The following NT5C2 variants were observed in gnomAD, a reference collection of about 807,000 sequenced individuals.
The protein encoded by NT5C2 is 5'-nucleotidase, cytosolic II.
Under a neutral mutation model 76.1 loss-of-function variants are expected in NT5C2, and 58 were observed. The observed-to-expected ratio is 0.76, with a 90% CI of 0.62 to 0.95. NT5C2 has a LOEUF of 0.95. NT5C2 is among the 40% of genes least tolerant of loss of function. The pLI, the probability that NT5C2 is intolerant of heterozygous loss-of-function variation, is 0.00. For missense variants in NT5C2, 478 were observed against 690.3 expected, an observed-to-expected ratio of 0.69 and a Z score of 3.45; for synonymous variants, 229 against 237.4, an observed-to-expected ratio of 0.96 and a Z score of 0.32.
Position 103,091,566 on chromosome 10 carries a change from G to A in NT5C2, c.1209C>T (p.Tyr403=), listed in dbSNP as rs961652997. ...AAAGAAATTTTTAGAAAACTTACTT[G>A]TAGAGTTCAGCCAAGAAAATATCCA... The part of the protein sequence containing the change: ...QSLDIFLAEL[Y]KHLDSSSNER... Residue 403 remains tyrosine, a splice_region_variant and synonymous_variant, in exon 16 of 19, where the codon TAC becomes TAT. Coordinates refer to ENST00000404739, the MANE Select transcript of NT5C2 (RefSeq NM_001351169.2). The A allele has an allele frequency of 6.2e-7, 1 of 1,611,828 alleles. No homozygotes were observed. Among genetic ancestry groups the A allele is most frequent in the Non-Finnish European group, 8.5e-7 (1 of 1,178,104 alleles).
chr10:103,117,328 A>G (rs931911744), intron 4 of NT5C2, among the ~76,000 whole-genome samples: 13 of 152,230 alleles, frequency 8.5e-5, no homozygotes, highest in Admixed American at 2.6e-4. Context: ...TTACACATCG[A>G]AATGAGCCTT....
chr10:103,090,490 G>GC (rs1307797179), intron 18 of NT5C2, 121 bp downstream of exon 18: 24 of 823,336 alleles, frequency 2.9e-5, no homozygotes, highest in Non-Finnish European at 4.5e-5. Context: ...CATATAACCT[G>GC]CCCCTGGGCT....
chr10:103,127,278 A>G (rs2076843369), intron 4 of NT5C2, among the ~76,000 whole-genome samples: 1 of 152,240 alleles, frequency 6.6e-6, no homozygotes, highest in African/African-American at 2.4e-5. Flanking sequence ...ATTTAGGTTC[A>G]AGACAACCAG....
chr10:103,138,845 A>C (rs1163298671), intron 4 of NT5C2, among the ~76,000 whole-genome samples: 1 of 152,084 alleles, frequency 6.6e-6, no homozygotes, highest in Non-Finnish European at 1.5e-5. Context: ...CATCTCTACT[A>C]AAAATACAAA....
At chr10:103,140,600 G>A (rs571206445) in intron 3 of NT5C2, among the ~76,000 whole-genome samples, 7 of 152,286 alleles carry the variant, frequency 4.6e-5, no homozygotes, top group African/African-American at 1.7e-4. Flanking sequence ...ATTTTCTTTA[G>A]GAAGCTCTAC....
At chr10:103,129,423 G>A (rs1591222646) in intron 4 of NT5C2, among the ~76,000 whole-genome samples, 5 of 101,020 alleles carry the variant, frequency 4.9e-5, no homozygotes, top group Admixed American at 9.0e-5. Flanking sequence ...CGCCCCTACT[G>A]GGAAGTGAGG....
chr10:103,123,674 G>A (rs996601866), intron 4 of NT5C2, among the ~76,000 whole-genome samples: 18 of 152,112 alleles, frequency 1.2e-4, no homozygotes, highest in African/African-American at 3.9e-4. Context: ...GTGGACACTA[G>A]CCATGGTATC....
At chr10:103,172,813 C>T (rs986612999) in intron 3 of NT5C2, among the ~76,000 whole-genome samples, 2 of 152,110 alleles carry the variant, frequency 1.3e-5, no homozygotes, top group Middle Eastern at 3.4e-3. Context: ...CCAGCCTGGG[C>T]GACAGAATGA....
intron 16 of NT5C2, 145 bp downstream of exon 16, chr10:103,091,419 C>T: frequency 1.6e-6 from 1 of 635,554 alleles, no homozygotes; most frequent in Non-Finnish European, 2.8e-6. Flanking sequence ...AATCTCAGCT[C>T]ACTGCAACCT....
Position 103,182,057 on chromosome 10 carries a change from A to G in NT5C2, c.-168-729T>C, listed in dbSNP as rs1321609269. On this transcript the variant is annotated intron_variant, in intron 1 of 18. Transcript: ENST00000404739. Reference sequence around the variant, plus strand: ...AGCAGTCAGCACTTCTTTTCATGACAATTCTGCATTAAGACAAAATGCCAC... The same window carrying G: ...AGCAGTCAGCACTTCTTTTCATGACGATTCTGCATTAAGACAAAATGCCAC... Among the ~76,000 whole-genome samples the G allele has an allele frequency of 4.6e-5, 7 of 152,100 alleles. No homozygotes were observed. In the South Asian group the frequency reaches 1.5e-3, roughly 32 times the overall value.
At chr10:103,149,935 T>C (rs2082118156) in intron 3 of NT5C2, among the ~76,000 whole-genome samples, 1 of 151,974 alleles carries the variant, frequency 6.6e-6, no homozygotes, top group African/African-American at 2.4e-5. Context: ...GAGTATATTT[T>C]TCCCTGCATT....
intron 1 of NT5C2, among the ~76,000 whole-genome samples, chr10:103,181,900 G>C (rs1005649344): frequency 3.3e-5 from 5 of 151,984 alleles, no homozygotes; most frequent in Admixed American, 6.6e-5. Flanking sequence ...CCAGCTACTC[G>C]AGAAGCTGAG....
intron 3 of NT5C2, among the ~76,000 whole-genome samples, chr10:103,141,185 A>G (rs2080352801): frequency 6.6e-6 from 1 of 152,206 alleles, no homozygotes. Context: ...GGTTGGGAGC[A>G]GTGGCTCACA....
At chr10:103,117,536 A>G (rs1286543991) in intron 4 of NT5C2, among the ~76,000 whole-genome samples, 1 of 152,192 alleles carries the variant, frequency 6.6e-6, no homozygotes, top group African/African-American at 2.4e-5. Flanking sequence ...AGTCCTTGCT[A>G]TTCAGGAGTT....
intron 4 of NT5C2, among the ~76,000 whole-genome samples, chr10:103,119,091 C>A (rs941571433): frequency 6.6e-6 from 1 of 152,140 alleles, no homozygotes; most frequent in East Asian, 1.9e-4. Flanking sequence ...GTCAGAGGGC[C>A]GGGCACAGTG....
At chr10:103,093,655 C>T (rs767872430) in intron 14 of NT5C2, 6 of 393,060 alleles carry the variant, frequency 1.5e-5, no homozygotes, top group African/African-American at 2.0e-5. Flanking sequence ...TGTACCTATA[C>T]CCATGGAACT....
intron 3 of NT5C2, among the ~76,000 whole-genome samples, chr10:103,172,580 A>G (rs1591740066): frequency 6.6e-6 from 1 of 152,082 alleles, no homozygotes; most frequent in East Asian, 1.9e-4. Context: ...TCATACCTGC[A>G]ATCCCAGCAG....
chr10:103,133,625 A>G (rs1167490422), intron 4 of NT5C2, among the ~76,000 whole-genome samples: 1 of 152,226 alleles, frequency 6.6e-6, no homozygotes, highest in East Asian at 1.9e-4. Flanking sequence ...ATGAAAACAA[A>G]CTAATATAGT....
intron 4 of NT5C2, among the ~76,000 whole-genome samples, chr10:103,128,276 G>C (rs980460195): frequency 6.6e-6 from 1 of 150,652 alleles, no homozygotes; most frequent in Admixed American, 6.6e-5. Flanking sequence ...TGTGTTGGCC[G>C]GGCCGGTCTC....
Sources: allele counts gnomAD v4.1 joint callset (sites outside exome capture counted in the v4.1 genomes callset), GRCh38; gene constraint gnomAD v4.1.1; transcripts MANE v1.5; gene names NCBI Gene and HGNC (gene_info 2026-07-23, HGNC 2026-07-21).